The following MYO1B variants were observed in gnomAD, a reference collection of about 807,000 sequenced individuals.
MYO1B encodes unconventional myosin-Ib.
A neutral mutation model predicts 159.7 loss-of-function variants in MYO1B; 72 were observed. The observed-to-expected ratio is 0.45, with a 90% CI of 0.37 to 0.55. MYO1B has a LOEUF of 0.55. MYO1B is among the 20% of genes least tolerant of loss of function. The probability of loss-of-function intolerance (pLI) is 0.00; values close to 1 mark genes in which losing one functional copy is unlikely to be tolerated. For missense variants in MYO1B, 1,062 were observed against 1,364.8 expected, an observed-to-expected ratio of 0.78 and a Z score of 3.50; for synonymous variants, 468 against 473.8, an observed-to-expected ratio of 0.99 and a Z score of 0.16.
chr2:191,267,029 T>C (rs1363766583), intron 1 of MYO1B, among the ~76,000 whole-genome samples: 1 of 152,150 alleles, frequency 6.6e-6, no homozygotes, highest in African/African-American at 2.4e-5. Flanking sequence ...CTTTTATTGA[T>C]GTAAGGCCAG....
At chr2:191,306,574 A>T (rs186655125) in intron 3 of MYO1B, among the ~76,000 whole-genome samples, 5 of 152,156 alleles carry the variant, frequency 3.3e-5, no homozygotes, top group Non-Finnish European at 7.4e-5. Context: ...GGGACGTGGT[A>T]GGCTTTTGCA....
chr2:191,315,087 T>C (rs1210064166), intron 3 of MYO1B, among the ~76,000 whole-genome samples: 8 of 152,144 alleles, frequency 5.3e-5, no homozygotes, highest in African/African-American at 1.7e-4. Context: ...GCTCTTCTTA[T>C]AAGGGTGGTT....
At chr2:191,298,101 C>T (rs1314908219) in intron 3 of MYO1B, among the ~76,000 whole-genome samples, 1 of 152,206 alleles carries the variant, frequency 6.6e-6, no homozygotes, top group Non-Finnish European at 1.5e-5. Context: ...ATATATACCA[C>T]TGTCCAGATG....
At chr2:191,305,830 G>A (rs191748343) in intron 3 of MYO1B, among the ~76,000 whole-genome samples, 29 of 152,278 alleles carry the variant, frequency 1.9e-4, no homozygotes, top group African/African-American at 7.0e-4. Context: ...TGCCTGAGGA[G>A]CTAGGAGATG....
intron 13 of MYO1B, among the ~76,000 whole-genome samples, chr2:191,370,676 G>A (rs1057112564): frequency 1.3e-5 from 2 of 152,244 alleles, no homozygotes; most frequent in African/African-American, 4.8e-5. Context: ...CCATTTGTGT[G>A]TTGTTAGAAA....
At position 191,408,176 on chromosome 2, in the gene MYO1B, C is replaced by T. The variant is rs144010735; in HGVS notation, c.2618C>T (p.Thr873Met). 28 of 1,611,780 alleles carry T rather than the reference C, an allele frequency of 1.7e-5. No homozygotes were observed. The highest frequency in any genetic ancestry group is 8.8e-5 in the South Asian group (8 of 90,990). ...ANAGKKIYEFTLQRIVQKYFL... is the reference protein window; with the variant it reads ...ANAGKKIYEFMLQRIVQKYFL... ...GCTGGAAAGAAAATCTATGAGTTTACGCTTCAGAGAATTGTAAGTTGACAC... is the reference window on the plus strand; with the variant it reads ...GCTGGAAAGAAAATCTATGAGTTTATGCTTCAGAGAATTGTAAGTTGACAC... Residue 873 changes from threonine to methionine, a missense_variant, in exon 25 of 31, where the codon ACG becomes ATG. Thr to Met is a moderately conservative substitution (Grantham distance 81). Around this residue, in one of 5 missense-constraint regions of MYO1B, gnomAD observed 609 missense variants for 744.4 expected, o/e 0.82. Coordinates refer to ENST00000392318, the MANE Select transcript of MYO1B (RefSeq NM_001130158.3).
intron 2 of MYO1B, among the ~76,000 whole-genome samples, chr2:191,280,021 A>G (rs1687963694): frequency 6.6e-6 from 1 of 152,118 alleles, no homozygotes; most frequent in African/African-American, 2.4e-5. Context: ...ACATCCTGCC[A>G]TCCATCTCCT....
intron 7 of MYO1B, among the ~76,000 whole-genome samples, chr2:191,356,530 T>C (rs762786220): frequency 1.3e-5 from 2 of 152,146 alleles, no homozygotes; most frequent in Non-Finnish European, 2.9e-5. Flanking sequence ...TTTTACTTTG[T>C]TGTTCTTCAT....
intron 1 of MYO1B, among the ~76,000 whole-genome samples, chr2:191,272,385 T>C (rs970614958): frequency 6.6e-6 from 1 of 152,222 alleles, no homozygotes; most frequent in Admixed American, 6.5e-5. Flanking sequence ...ATAATTTCTT[T>C]CCTGGCCTTG....
chr2:191,349,819 G>A (rs1031372131), intron 6 of MYO1B, among the ~76,000 whole-genome samples: 1 of 152,184 alleles, frequency 6.6e-6, no homozygotes, highest in African/African-American at 2.4e-5. Flanking sequence ...CAACCAGTCT[G>A]TATACACAGA....
intron 3 of MYO1B, among the ~76,000 whole-genome samples, chr2:191,329,426 T>G (rs1480495471): frequency 1.3e-5 from 2 of 151,984 alleles, no homozygotes; most frequent in African/African-American, 4.8e-5. Context: ...GAAAAGATTT[T>G]TTTCCCTCAT....
At chr2:191,371,423 A>G (rs1694356420) in intron 13 of MYO1B, among the ~76,000 whole-genome samples, 1 of 152,142 alleles carries the variant, frequency 6.6e-6, no homozygotes. Flanking sequence ...TTGAGGGCCG[A>G]CTGTATGTAA....
At chr2:191,264,869 C>T (rs1486467280) in intron 1 of MYO1B, among the ~76,000 whole-genome samples, 2 of 151,474 alleles carry the variant, frequency 1.3e-5, no homozygotes, top group South Asian at 2.1e-4. Flanking sequence ...GAATCAACAG[C>T]GTTGGAAGCT....
At chr2:191,383,515 TACACACACACACAC>T (rs71030338) in intron 15 of MYO1B, among the ~76,000 whole-genome samples, 173 bp downstream of exon 15, 1 of 122,742 alleles carries the variant, frequency 8.1e-6, no homozygotes, top group African/African-American at 3.4e-5. Flanking sequence ...TATATACACG[TACACACACACACAC>T]ACACACACAC....
At chr2:191,383,596 G>C (rs1387301724) in intron 15 of MYO1B, among the ~76,000 whole-genome samples, 1 of 147,634 alleles carries the variant, frequency 6.8e-6, no homozygotes, top group Non-Finnish European at 1.5e-5. Flanking sequence ...TTTTATTGTA[G>C]CCCTAAGAGA....
At chr2:191,388,826 C>T (rs1348299134) in intron 17 of MYO1B, among the ~76,000 whole-genome samples, 2 of 152,078 alleles carry the variant, frequency 1.3e-5, no homozygotes, top group African/African-American at 2.4e-5. Context: ...TAACCACCAC[C>T]CAGGTTAAGA....
intron 20 of MYO1B, among the ~76,000 whole-genome samples, chr2:191,394,247 T>G (rs973539159): frequency 5.3e-5 from 8 of 152,326 alleles, no homozygotes; most frequent in South Asian, 2.1e-4. Flanking sequence ...AGAGGCACTT[T>G]GGACTGTTGT....
chr2:191,388,785 A>ACTTC (rs1456504523), intron 17 of MYO1B, among the ~76,000 whole-genome samples: 1 of 152,140 alleles, frequency 6.6e-6, no homozygotes, highest in Non-Finnish European at 1.5e-5. Context: ...TGAACAGTTC[A>ACTTC]ATTTTTTTTT....
Position 191,408,153 on chromosome 2 carries a change from T to C in MYO1B, c.2595T>C (p.Ala865=), listed in dbSNP as rs1697041799. The change falls in exon 25 of 31, where the codon GCT becomes GCC. Residue 865 remains alanine (A), a synonymous_variant. Transcript: ENST00000392318. ...REYRKFFRAN[A]GKKIYEFTLQ... is the part of the protein sequence containing the mutation. ...ACAGGAAATTCTTCAGAGCCAATGC[T>C]GGAAAGAAAATCTATGAGTTTACGC... 6.2e-7 allele frequency: 1 copy of C among 1,613,334 alleles called. No individual in the cohort carries two copies. Among genetic ancestry groups the C allele is most frequent in the African/African-American group, 1.3e-5 (1 of 74,914 alleles).
Sources: gnomAD v4.1 joint callset for allele counts (sites outside exome capture counted in the v4.1 genomes callset) on GRCh38, gnomAD v4.1.1 for gene constraint, gnomAD v4.1.1 regional missense constraint, MANE v1.5 for transcripts, NCBI Gene and HGNC (gene_info 2026-07-23, HGNC 2026-07-21) for gene names.